Variants in CCNY observed in about 807,000 individuals in gnomAD.
CCNY encodes cyclin-Y.
In CCNY, 19 loss-of-function variants were observed where a neutral mutation model predicts 42.8. That is an observed-to-expected ratio of 0.44 (90% CI 0.31 to 0.65). The LOEUF (loss-of-function observed/expected upper bound fraction) is 0.65. CCNY is among the 30% of genes least tolerant of loss of function. The pLI is 0.07. For synonymous variants in CCNY, 165 were observed against 162.7 expected, an observed-to-expected ratio of 1.01 and a Z score of -0.11; for missense variants, 370 against 437.3, an observed-to-expected ratio of 0.85 and a Z score of 1.37.
chr10:35,328,656 G>A (rs1382196037), intron 3 of CCNY, among the ~76,000 whole-genome samples: 1 of 152,150 alleles, frequency 6.6e-6, no homozygotes, highest in African/African-American at 2.4e-5. Context: ...ATAAAAAACA[G>A]GAGTGTTAAA....
At chr10:35,300,178 T>C (rs983679386) in intron 3 of CCNY, among the ~76,000 whole-genome samples, 40 of 152,224 alleles carry the variant, frequency 2.6e-4, no homozygotes, top group East Asian at 3.9e-4. Context: ...AGGGCTCCCA[T>C]GTGGATTTCG....
At position 35,394,468 on chromosome 10, in the gene CCNY, A is replaced by T. The variant is rs191911515; in HGVS notation, c.154+57261A>T. ...TTGATTGCAGACTTGAGTAACTCAC[A>T]TTTGTTTAAAAGACTCATGATGGGG... On this transcript the variant is annotated intron_variant, in intron 1 of 9. Transcript: ENST00000374704. 3.3e-5 allele frequency among the ~76,000 whole-genome samples: 5 copies of T among 152,340 alleles called. No individual in the cohort carries two copies. The East Asian group carries it at 9.6e-4, about 29-fold the overall frequency.
intron 1 of CCNY, among the ~76,000 whole-genome samples, chr10:35,441,316 A>C (rs1018669737): frequency 2.6e-5 from 4 of 152,268 alleles, no homozygotes; most frequent in African/African-American, 7.2e-5. Context: ...AACAGAGACA[A>C]GATGAATAAG....
intron 1 of CCNY, among the ~76,000 whole-genome samples, chr10:35,343,101 C>T (rs567838173): frequency 6.7e-6 from 1 of 149,260 alleles, no homozygotes; most frequent in East Asian, 2.0e-4. Flanking sequence ...CTCCCAGGCT[C>T]AAGTAATTCT....
At chr10:35,266,249 C>CTTTT (rs773886027) in intron 3 of CCNY, among the ~76,000 whole-genome samples, 6 of 110,128 alleles carry the variant, frequency 5.4e-5, no homozygotes, top group East Asian at 2.9e-4. Flanking sequence ...GGCTAATTTC[C>CTTTT]TTTTTTTTTT....
At chr10:35,441,279 C>G (rs1441119559) in intron 1 of CCNY, among the ~76,000 whole-genome samples, 2 of 152,202 alleles carry the variant, frequency 1.3e-5, no homozygotes, top group Non-Finnish European at 2.9e-5. Flanking sequence ...AAGCAGTCTT[C>G]TTTGAAATGA....
chr10:35,306,188 C>T (rs1835604157), intron 3 of CCNY, among the ~76,000 whole-genome samples: 1 of 152,164 alleles, frequency 6.6e-6, no homozygotes, highest in Non-Finnish European at 1.5e-5. Context: ...GCACACGCCA[C>T]TACACCTGGT....
intron 1 of CCNY, among the ~76,000 whole-genome samples, chr10:35,451,605 C>T (rs1247368661): frequency 6.6e-6 from 1 of 152,184 alleles, no homozygotes; most frequent in Non-Finnish European, 1.5e-5. Flanking sequence ...CTGTATGGCA[C>T]TAGACAGAGC....
intron 1 of CCNY, among the ~76,000 whole-genome samples, chr10:35,410,590 C>G (rs1396101467): frequency 6.6e-6 from 1 of 152,164 alleles, no homozygotes; most frequent in Non-Finnish European, 1.5e-5. Flanking sequence ...AACTTTGCTT[C>G]TAGGCAAAGG....
intron 1 of CCNY, among the ~76,000 whole-genome samples, chr10:35,428,428 C>T (rs1208547947): frequency 1.3e-5 from 2 of 152,158 alleles, no homozygotes; most frequent in Non-Finnish European, 2.9e-5. Flanking sequence ...GCAGGAAAGC[C>T]AGTCTGGCTG....
At chr10:35,493,112 C>T (rs1451190816) in intron 2 of CCNY, among the ~76,000 whole-genome samples, 6 of 152,140 alleles carry the variant, frequency 3.9e-5, no homozygotes, top group Admixed American at 3.9e-4. Context: ...AGTATTTCAT[C>T]CCTTGGGCTT....
At chr10:35,281,098 A>T (rs1448275848) in intron 3 of CCNY, among the ~76,000 whole-genome samples, 1 of 152,152 alleles carries the variant, frequency 6.6e-6, no homozygotes, top group Non-Finnish European at 1.5e-5. Context: ...AGGTAAAAAG[A>T]GGGAGAATGT....
chr10:35,511,277 C>T (rs751854153), intron 3 of CCNY, among the ~76,000 whole-genome samples: 6 of 152,176 alleles, frequency 3.9e-5, no homozygotes, highest in Non-Finnish European at 8.8e-5. Flanking sequence ...CAGTCTGTAC[C>T]TCCAAGACAC....
At chr10:35,476,795 C>T (rs1332678674) in intron 1 of CCNY, among the ~76,000 whole-genome samples, 1 of 151,838 alleles carries the variant, frequency 6.6e-6, no homozygotes, top group African/African-American at 2.4e-5. Context: ...CAGAGCAGAA[C>T]TGAAGGAAAT....
chr10:35,513,368 C>T (rs1840361003), intron 3 of CCNY, among the ~76,000 whole-genome samples: 1 of 152,064 alleles, frequency 6.6e-6, no homozygotes, highest in African/African-American at 2.4e-5. Flanking sequence ...GTATTTGGGA[C>T]AATCTTTCTA....
chr10:35,536,123 T>C (rs891980603), intron 7 of CCNY, among the ~76,000 whole-genome samples: 11 of 152,294 alleles, frequency 7.2e-5, no homozygotes, highest in Admixed American at 7.2e-4. Context: ...TGGTGGGAGA[T>C]AACTGAAACA....
intron 1 of CCNY, among the ~76,000 whole-genome samples, chr10:35,342,329 C>T (rs957329277): frequency 6.6e-6 from 1 of 152,216 alleles, no homozygotes; most frequent in Non-Finnish European, 1.5e-5. Context: ...GCAGAACATA[C>T]CGTGGACTTT....
At chr10:35,441,711 C>T (rs1838673349) in intron 1 of CCNY, among the ~76,000 whole-genome samples, 1 of 152,142 alleles carries the variant, frequency 6.6e-6, no homozygotes, top group Non-Finnish European at 1.5e-5. Flanking sequence ...TGTGCCACTG[C>T]ACTCCAGCCT....
intron 2 of CCNY, among the ~76,000 whole-genome samples, chr10:35,495,237 C>G (rs1270759443): frequency 6.6e-6 from 1 of 152,122 alleles, no homozygotes. Flanking sequence ...CTTTATATGG[C>G]TCTGTATTTT....
Sources: gnomAD v4.1 joint callset for allele counts (sites outside exome capture counted in the v4.1 genomes callset) on GRCh38, gnomAD v4.1.1 for gene constraint, MANE v1.5 for transcripts, NCBI Gene and HGNC (gene_info 2026-07-23, HGNC 2026-07-21) for gene names.